METAP1D: variants seen among roughly 807,000 people sequenced by gnomAD.
METAP1D encodes methionine aminopeptidase 1D, mitochondrial.
Under a neutral mutation model 40.5 loss-of-function variants are expected in METAP1D, and 31 were observed. The observed-to-expected ratio is 0.77, with a 90% CI of 0.58 to 1.03. The LOEUF (loss-of-function observed/expected upper bound fraction) is 1.03, where lower values mean the gene tolerates loss of function less well. Ranked by LOEUF, METAP1D falls within the 50% of genes least tolerant of loss-of-function variation. The pLI, the probability that METAP1D is intolerant of heterozygous loss-of-function variation, is 0.00. For missense variants in METAP1D, 411 were observed against 420.7 expected (o/e 0.98, Z 0.20); for synonymous variants, 151 against 146.4 (o/e 1.03, Z -0.22).
chr2:172,047,865 G>T (rs1689797117), intron 1 of METAP1D, among the ~76,000 whole-genome samples: 1 of 152,096 alleles, frequency 6.6e-6, no homozygotes, highest in South Asian at 2.1e-4. Flanking sequence ...ACAAATTTAA[G>T]AAGTATTCTT....
chr2:172,068,766 G>A (rs1000963684), intron 5 of METAP1D, among the ~76,000 whole-genome samples: 23 of 151,904 alleles, frequency 1.5e-4, no homozygotes, highest in African/African-American at 5.3e-4. Context: ...GCCCACCTCC[G>A]CCTCCCAAAG....
At position 172,014,445 on chromosome 2, in the gene METAP1D, T is replaced by A. The variant is rs914483323; in HGVS notation, c.40+14436T>A. 2.0e-5 allele frequency among the ~76,000 whole-genome samples: 3 copies of A among 152,172 alleles called. No individual in the cohort carries two copies. In the South Asian group the frequency reaches 6.2e-4, roughly 32 times the overall value. On this transcript the variant is annotated intron_variant, in intron 1 of 9. Coordinates refer to ENST00000315796, the MANE Select transcript of METAP1D (RefSeq NM_199227.3). Reference sequence around the variant, plus strand: ...ATTATTATAAAAACACAAAGAGATATATACTTAGCATATTACATTACATTG... The same window carrying A: ...ATTATTATAAAAACACAAAGAGATAAATACTTAGCATATTACATTACATTG...
At position 172,061,710 on chromosome 2, in the gene METAP1D, C is replaced by G. The variant is rs150424911; in HGVS notation, c.198+55C>G. ...TTCCAGCCAAGATAAAAGTTGACTG[C>G]AGAAGTGATCAAATATTTTTGCACC... On this transcript the variant is annotated intron_variant, in intron 2 of 9. Coordinates refer to ENST00000315796, the MANE Select transcript of METAP1D (RefSeq NM_199227.3). 3,032 of 1,394,402 alleles carry G rather than the reference C, an allele frequency of 2.2e-3. 32 individuals carry two copies. The African/African-American group carries it at 0.024, about 11-fold the overall frequency. The allele number at this position is 1,394,402 out of a possible 1,614,324, so 86.4% of individuals were successfully genotyped here. A position where few individuals can be genotyped will look rare whatever the true frequency, so the allele number is the denominator to read the frequency against.
chr2:172,062,842 A>G (rs993360369), intron 2 of METAP1D, among the ~76,000 whole-genome samples: 4 of 152,368 alleles, frequency 2.6e-5, no homozygotes, highest in South Asian at 2.1e-4. Flanking sequence ...CAATGTTTCA[A>G]TTGAAGAGTG....
intron 1 of METAP1D, among the ~76,000 whole-genome samples, chr2:172,002,019 C>T (rs1688476777): frequency 6.7e-6 from 1 of 149,502 alleles, no homozygotes; most frequent in South Asian, 2.1e-4. Context: ...ATCGCCTGAA[C>T]CCAGGAGGCG....
chr2:172,021,922 A>G (rs1209563984), intron 1 of METAP1D: 1 of 152,254 alleles, frequency 6.6e-6, no homozygotes, highest in Non-Finnish European at 1.5e-5. Context: ...TAACATTAGG[A>G]AGAAGAAACT....
intron 1 of METAP1D, among the ~76,000 whole-genome samples, chr2:172,017,158 A>G (rs1688885913): frequency 6.7e-6 from 1 of 150,184 alleles, no homozygotes; most frequent in South Asian, 2.1e-4. Context: ...TTTCTTCTCT[A>G]TCCCTTCAAT....
intron 1 of METAP1D, among the ~76,000 whole-genome samples, chr2:172,016,300 A>AAAAAAAAAATATAT (rs1553490378): frequency 2.5e-5 from 1 of 40,030 alleles, no homozygotes; most frequent in Non-Finnish European, 4.6e-5. Flanking sequence ...AAAAAAAAAA[A>AAAAAAAAAATATAT]ATATATATAT....
chr2:172,028,845 A>G (rs1181636769), intron 1 of METAP1D, among the ~76,000 whole-genome samples: 1 of 152,206 alleles, frequency 6.6e-6, no homozygotes, highest in Non-Finnish European at 1.5e-5. Context: ...ATTTAAGGAC[A>G]TTAAAAATGT....
rs749265209 is a variant in METAP1D at position 172,077,777 on chromosome 2, T to C, written c.705-20T>C. On this transcript the variant is annotated intron_variant, in intron 6 of 9. Transcript: ENST00000315796. ...AAAACTTATCTAATTTAATTAAATA[T>C]TTTTTGGTCACTTTTAAAGCCACAT... 4 of 1,295,206 alleles carry C rather than the reference T, an allele frequency of 3.1e-6. No homozygotes were observed. The highest frequency in any genetic ancestry group is 4.3e-6 in the Non-Finnish European group (4 of 923,094). The allele number at this position is 1,295,206 out of a possible 1,614,324, so 80.2% of individuals were successfully genotyped here.
intron 1 of METAP1D, among the ~76,000 whole-genome samples, chr2:172,025,282 A>C (rs1374698583): frequency 1.3e-5 from 2 of 151,354 alleles, no homozygotes; most frequent in Non-Finnish European, 3.0e-5. Context: ...TTTGATGGGT[A>C]TTATATTAAC....
At chr2:172,026,973 T>C (rs189075051) in intron 1 of METAP1D, among the ~76,000 whole-genome samples, 22 of 152,316 alleles carry the variant, frequency 1.4e-4, no homozygotes, top group Admixed American at 5.2e-4. Context: ...ACTAAGTCAA[T>C]TCCCCATACC....
At chr2:172,035,562 G>T (rs1258907373) in intron 1 of METAP1D, among the ~76,000 whole-genome samples, 5 of 152,170 alleles carry the variant, frequency 3.3e-5, no homozygotes, top group African/African-American at 1.2e-4. Context: ...CCCCTGGGTA[G>T]CCACTATCCT....
chr2:172,013,040 C>T (rs1426302648), intron 1 of METAP1D, among the ~76,000 whole-genome samples: 1 of 152,182 alleles, frequency 6.6e-6, no homozygotes, highest in Admixed American at 6.5e-5. Flanking sequence ...ATCAGTAACT[C>T]TTAACAGGGG....
chr2:172,015,609 T>G lies in METAP1D; in HGVS notation c.40+15600T>G, dbSNP rs182600097. 4.2e-3 allele frequency among the ~76,000 whole-genome samples: 633 copies of G among 152,260 alleles called. 4 individuals are homozygous for G. The highest frequency in any genetic ancestry group is 7.1e-3 in the Non-Finnish European group (482 of 68,014). On this transcript the variant is annotated intron_variant, in intron 1 of 9. Coordinates refer to ENST00000315796, the MANE Select transcript of METAP1D (RefSeq NM_199227.3). ...GTATGGTCATTAAAATACTGCCTATTAAACTATTATACTTCCTCCAGTTTA... is the reference window on the plus strand; with the variant it reads ...GTATGGTCATTAAAATACTGCCTATGAAACTATTATACTTCCTCCAGTTTA...
chr2:172,024,374 A>T (rs1044616077), intron 1 of METAP1D, among the ~76,000 whole-genome samples: 1 of 152,124 alleles, frequency 6.6e-6, no homozygotes. Context: ...AGAAAAATGT[A>T]CCCACCTCAT....
chr2:172,017,314 AAGAC>A (rs1180039785), intron 1 of METAP1D, among the ~76,000 whole-genome samples: 1 of 150,676 alleles, frequency 6.6e-6, no homozygotes, highest in African/African-American at 2.4e-5. Context: ...TTCATGGAAC[AAGAC>A]AGACATATAT....
intron 1 of METAP1D, among the ~76,000 whole-genome samples, chr2:172,022,441 ATTTG>A (rs1689029541): frequency 6.6e-6 from 1 of 152,150 alleles, no homozygotes; most frequent in African/African-American, 2.4e-5. Flanking sequence ...ACAAGGCAGA[ATTTG>A]TTTGACATCT....
chr2:172,059,205 T>G (rs1690073351), intron 1 of METAP1D, among the ~76,000 whole-genome samples: 1 of 151,774 alleles, frequency 6.6e-6, no homozygotes, highest in South Asian at 2.1e-4. Flanking sequence ...GCCTTCCGGG[T>G]TCGAGTAGTT....
Sources: gnomAD v4.1 joint callset for allele counts (sites outside exome capture counted in the v4.1 genomes callset) on GRCh38, gnomAD v4.1.1 for gene constraint, MANE v1.5 for transcripts, NCBI Gene and HGNC (gene_info 2026-07-23, HGNC 2026-07-21) for gene names.